Variants in PPP5C observed in about 807,000 individuals in gnomAD.
PPP5C encodes serine/threonine-protein phosphatase 5.
A neutral mutation model predicts 66.7 loss-of-function variants in PPP5C; 21 were observed. The ratio of observed to expected loss-of-function variants is 0.31; its 90% confidence interval spans 0.22 to 0.45. The LOEUF is 0.45. Ranked by LOEUF, PPP5C falls within the 20% of genes least tolerant of loss-of-function variation. The pLI, the probability that PPP5C is intolerant of heterozygous loss-of-function variation, is 1.00. For missense variants in PPP5C, 464 were observed against 675.9 expected (o/e 0.69, Z 3.48); for synonymous variants, 246 against 257.4 (o/e 0.96, Z 0.43).
At chr19:46,382,807 G>A (rs1215199869) in intron 4 of PPP5C, 4 of 1,035,410 alleles carry the variant, frequency 3.9e-6, no homozygotes, top group Non-Finnish European at 4.7e-6. Flanking sequence ...ACAGTCCACA[G>A]GCCATCCGGA....
chr19:46,382,403 A>T (rs184529766), intron 4 of PPP5C: 19 of 152,206 alleles, frequency 1.2e-4, no homozygotes, highest in African/African-American at 4.1e-4. Context: ...GCTTGTTTTC[A>T]TCTTTAGGGC....
In PPP5C at chr19:46,387,178, C is replaced by T. The variant is rs754583832; in HGVS notation, c.990C>T (p.Leu330=). 3 of 1,614,220 alleles carry T rather than the reference C, an allele frequency of 1.9e-6. No individual in the cohort carries two copies. The South Asian group carries it at 3.3e-5, about 18-fold the overall frequency. Residue 330 remains leucine, a synonymous_variant, in exon 8 of 13, where the codon CTC becomes CTT. Transcript: ENST00000012443. ...KAKYTAQMYE[L]FSEVFEWLPL... is the part of the protein sequence containing the mutation. ...AGTACACAGCCCAGATGTACGAGCT[C>T]TTTAGCGAGGTGTTCGAGTGGCTCC...
Position 46,383,030 on chromosome 19 carries a change from A to G in PPP5C, c.634-381A>G. The G allele has an allele frequency of 6.5e-6, 7 of 1,074,788 alleles. No homozygotes were observed. Among genetic ancestry groups the G allele is most frequent in the South Asian group, 1.8e-5 (1 of 55,428 alleles). The allele number at this position is 1,074,788 out of a possible 1,614,324, so 66.6% of individuals were successfully genotyped here. Reference sequence around the variant, plus strand: ...TGCCTTTTTACCTCTTTTTACCTAGAAAGTCTCACTTCTTTTTTGGGAGAC... The same window carrying G: ...TGCCTTTTTACCTCTTTTTACCTAGGAAGTCTCACTTCTTTTTTGGGAGAC... On this transcript the variant is annotated intron_variant, in intron 4 of 12. Transcript: ENST00000012443. This position sits in a 1 kb window ranked among gnomAD's most constrained non-coding sequence, Gnocchi z 5.0.
At chr19:46,349,306 G>C (rs1972142078) in intron 1 of PPP5C, among the ~76,000 whole-genome samples, 1 of 151,960 alleles carries the variant, frequency 6.6e-6, no homozygotes, top group African/African-American at 2.4e-5. Flanking sequence ...AAAAAAGAGA[G>C]AAGATGCAGT....
chr19:46,389,543 CT>C (rs143158794), intron 11 of PPP5C, among the ~76,000 whole-genome samples: 1,908 of 150,334 alleles, frequency 0.013, 70 homozygotes, highest in African/African-American at 0.045. Context: ...CAGCTGACTT[CT>C]TCCAGACAGG....
At chr19:46,352,256 G>A (rs1050748644) in intron 1 of PPP5C, among the ~76,000 whole-genome samples, 1 of 152,226 alleles carries the variant, frequency 6.6e-6, no homozygotes, top group African/African-American at 2.4e-5. Flanking sequence ...GTGTAAGAAG[G>A]ACTCTCGGAG....
At chr19:46,356,912 CT>C (rs1308060418) in intron 2 of PPP5C, among the ~76,000 whole-genome samples, 3 of 152,202 alleles carry the variant, frequency 2.0e-5, no homozygotes, top group African/African-American at 7.2e-5. Context: ...CTCAGGACGC[CT>C]AGGTTCACAG....
At chr19:46,390,018 A>G (rs1972985408) in intron 11 of PPP5C, 33 bp from the exon 12 acceptor site, 1 of 1,605,828 alleles carries the variant, frequency 6.2e-7, no homozygotes, top group Non-Finnish European at 8.5e-7. Flanking sequence ...CCCAGCCCTG[A>G]CCACACTGTC....
rs905907134 is a variant in PPP5C at position 46,388,299 on chromosome 19, C to G, written c.1136-109C>G. ...CTGGATGTCCCCTGCCCAACACCCACCCAGGCTGGGCTGTGGGGTCAGCAC... is the reference window on the plus strand; with the variant it reads ...CTGGATGTCCCCTGCCCAACACCCAGCCAGGCTGGGCTGTGGGGTCAGCAC... On this transcript the variant is annotated intron_variant, in intron 9 of 12. Coordinates refer to ENST00000012443, the MANE Select transcript of PPP5C (RefSeq NM_006247.4). The surrounding 1 kb of genome is among the most constrained non-coding windows in gnomAD (Gnocchi z 4.9). 9.0e-6 allele frequency: 11 copies of G among 1,228,928 alleles called. No individual in the cohort carries two copies. Among genetic ancestry groups the G allele is most frequent in the African/African-American group, 1.5e-5 (1 of 65,380 alleles). 76.1% of individuals were successfully genotyped at this position (1,228,928 alleles called of 1,614,324 possible).
intron 2 of PPP5C, among the ~76,000 whole-genome samples, chr19:46,360,557 T>G (rs1250665124): frequency 6.6e-6 from 1 of 152,018 alleles, no homozygotes; most frequent in South Asian, 2.1e-4. Flanking sequence ...CTGGAGTGCA[T>G]TGGCACAATC....
At chr19:46,373,081 C>T (rs779019285) in intron 2 of PPP5C, among the ~76,000 whole-genome samples, 1 of 152,248 alleles carries the variant, frequency 6.6e-6, no homozygotes, top group Non-Finnish European at 1.5e-5. Flanking sequence ...CTGAGGGAGG[C>T]TTGAGATGTG....
chr19:46,369,271 G>A (rs1043909578), intron 2 of PPP5C, among the ~76,000 whole-genome samples: 1 of 152,180 alleles, frequency 6.6e-6, no homozygotes, highest in Non-Finnish European at 1.5e-5. Flanking sequence ...CTACACGCCT[G>A]TACAGCATGT....
At chr19:46,387,040 G>T (rs1285669456) in intron 7 of PPP5C, 53 bp from the exon 8 acceptor site, 10 of 1,613,284 alleles carry the variant, frequency 6.2e-6, no homozygotes, top group Non-Finnish European at 8.5e-6. Flanking sequence ...CAGGCTGGAG[G>T]ACACTGATGT....
chr19:46,389,440 C>G (rs1350339130), intron 11 of PPP5C, among the ~76,000 whole-genome samples: 1 of 81,538 alleles, frequency 1.2e-5, no homozygotes, highest in East Asian at 2.8e-4. Flanking sequence ...CACACACACA[C>G]ACACACACAC....
intron 2 of PPP5C, among the ~76,000 whole-genome samples, chr19:46,373,166 C>T (rs894991461): frequency 7.2e-5 from 11 of 152,236 alleles, no homozygotes; most frequent in Admixed American, 6.5e-4. Flanking sequence ...TAACCACTGC[C>T]CCACGCTGCC....
rs189372802 is a variant in PPP5C, at chr19:46,377,867, T to C, written c.633+1293T>C. Among the ~76,000 whole-genome samples the C allele has an allele frequency of 3.3e-5, 5 of 152,336 alleles. No homozygotes were observed. In the East Asian group the frequency reaches 9.6e-4, roughly 29 times the overall value. ...CATTGTCTGAACAGCCCATGACTTG[T>C]TTATGCAGTCTTCTTTTGAGAGACA... is the stretch of plus-strand genomic sequence containing the variant. On this transcript the variant is annotated intron_variant, in intron 4 of 12. Transcript: ENST00000012443.
At chr19:46,358,507 A>G (rs553103893) in intron 2 of PPP5C, among the ~76,000 whole-genome samples, 22 of 152,328 alleles carry the variant, frequency 1.4e-4, no homozygotes, top group Non-Finnish European at 2.6e-4. Flanking sequence ...TTCTTAATTC[A>G]TAACTCATTT....
chr19:46,372,755 T>C (rs1972616558), intron 2 of PPP5C, among the ~76,000 whole-genome samples: 1 of 152,264 alleles, frequency 6.6e-6, no homozygotes. Context: ...AAGGTATATC[T>C]GGCATAACTA....
Position 46,375,781 on chromosome 19 carries a change from A to G in PPP5C, c.511+30A>G, listed in dbSNP as rs529900238. 1.3e-5 allele frequency: 21 copies of G among 1,557,170 alleles called. No homozygotes were observed. In the South Asian group the frequency reaches 1.4e-4, roughly 11 times the overall value. On this transcript the variant is annotated intron_variant, in intron 3 of 12. Transcript: ENST00000012443. ...GTCAGGCCTGGATGCTCCACGCTCC[A>G]GCCCAGAACATTCCACACGGGCCTT...
Sources: allele counts gnomAD v4.1 joint callset (sites outside exome capture counted in the v4.1 genomes callset), GRCh38; gene constraint gnomAD v4.1.1; non-coding constraint Gnocchi (gnomAD v3.1); transcripts MANE v1.5; gene names NCBI Gene and HGNC (gene_info 2026-07-23, HGNC 2026-07-21).